The following RTL4 variants were observed in gnomAD, a reference collection of about 807,000 sequenced individuals.
RTL4 encodes the protein retrotransposon Gag-like protein 4.
In RTL4, 4 loss-of-function variants were observed where a neutral mutation model predicts 5.3. That is an observed-to-expected ratio of 0.75 (90% CI 0.37 to 1.72). The LOEUF is 1.72. Among genes scored for constraint, RTL4 ranks in the 40% most tolerant of loss-of-function variants. RTL4 has a pLI of 0.04. For synonymous variants in RTL4, 98 were observed against 87.3 expected, an observed-to-expected ratio of 1.12 and a Z score of -0.68; for missense variants, 260 against 227.1, an observed-to-expected ratio of 1.14 and a Z score of -0.93.
At chrX:112,381,356 G>A in the RTL4 span, 1 of 1,208,667 alleles carries the variant, frequency 8.3e-7, no homozygotes, top group African/African-American at 1.7e-5. Context: ...GCTAACAAAG[G>A]TAGAGACAAG....
At chrX:112,280,462 A>C in the RTL4 span, among the ~76,000 whole-genome samples, 1 of 111,090 alleles carries the variant, frequency 9.0e-6, no homozygotes, top group African/African-American at 3.3e-5. Flanking sequence ...ACTGAATCTA[A>C]GGTACAAGTT....
chrX:112,325,335 A>T, the RTL4 span, among the ~76,000 whole-genome samples: 3 of 111,955 alleles, frequency 2.7e-5, no homozygotes, highest in Admixed American at 9.5e-5. Context: ...AAGAGCCCAC[A>T]TTGCCAAGTC....
chrX:112,419,034 A>ATATATATATATATATATATCT, the RTL4 span, among the ~76,000 whole-genome samples: 8 of 1,605 alleles, frequency 5.0e-3, no homozygotes, highest in African/African-American at 5.3e-3. Context: ...CACATAAGAT[A>ATATATATATATATATATATCT]TATATATATA....
chrX:112,370,436 A>G, the RTL4 span, among the ~76,000 whole-genome samples: 1 of 112,075 alleles, frequency 8.9e-6, no homozygotes, highest in African/African-American at 3.2e-5. Context: ...ATACATATTT[A>G]TCATTTCCTC....
the RTL4 span, among the ~76,000 whole-genome samples, chrX:112,219,562 A>C: frequency 8.9e-6 from 1 of 112,076 alleles, no homozygotes; most frequent in Admixed American, 9.5e-5. Context: ...GGGTAAAAAC[A>C]GTTGTGATTT....
At chrX:112,331,043 C>A in the RTL4 span, among the ~76,000 whole-genome samples, 1 of 104,786 alleles carries the variant, frequency 9.5e-6, no homozygotes. Flanking sequence ...AGACCTAAAA[C>A]CATAAAAACC....
chrX:112,279,929 G>C, the RTL4 span, among the ~76,000 whole-genome samples: 3 of 111,535 alleles, frequency 2.7e-5, no homozygotes, highest in Non-Finnish European at 3.8e-5. Flanking sequence ...ATAAGAACTT[G>C]TGCAACAAAG....
chrX:112,402,784 C>T, the RTL4 span, among the ~76,000 whole-genome samples: 1 of 110,954 alleles, frequency 9.0e-6, no homozygotes, highest in African/African-American at 3.3e-5. Context: ...CGAAAGATGA[C>T]ACAACTATGT....
At chrX:112,236,415 ATATC>A in the RTL4 span, among the ~76,000 whole-genome samples, 1 of 59,067 alleles carries the variant, frequency 1.7e-5, no homozygotes, top group Non-Finnish European at 3.2e-5. Flanking sequence ...ATATAGATCT[ATATC>A]TATATATAGA....
chrX:112,392,273 T>G, the RTL4 span, among the ~76,000 whole-genome samples: 1 of 111,409 alleles, frequency 9.0e-6, no homozygotes, highest in Non-Finnish European at 1.9e-5. Flanking sequence ...CTGGAGAACC[T>G]GCACGGTGAG....
chrX:112,402,939 T>G, the RTL4 span, among the ~76,000 whole-genome samples: 12 of 111,764 alleles, frequency 1.1e-4, no homozygotes, highest in African/African-American at 3.9e-4. Flanking sequence ...AGCAGGGAAC[T>G]GTGAAAGGAT....
the RTL4 span, among the ~76,000 whole-genome samples, chrX:112,353,439 T>G: frequency 2.3e-3 from 260 of 110,845 alleles, 1 homozygote; most frequent in African/African-American, 7.7e-3. Context: ...AACCCAAATA[T>G]CCAACAACGA....
At chrX:112,350,359 C>T in the RTL4 span, among the ~76,000 whole-genome samples, 3 of 108,548 alleles carry the variant, frequency 2.8e-5, no homozygotes, top group Non-Finnish European at 5.8e-5. Flanking sequence ...GCTTTGGTAT[C>T]AGGATGATGC....
the RTL4 span, among the ~76,000 whole-genome samples, chrX:112,241,640 T>C: frequency 8.9e-6 from 1 of 112,344 alleles, no homozygotes. Context: ...TCCCATTCTG[T>C]AGGTTGCCTG....
chrX:112,275,645 A>G, the RTL4 span, among the ~76,000 whole-genome samples: 1 of 111,880 alleles, frequency 8.9e-6, no homozygotes, highest in East Asian at 2.8e-4. Flanking sequence ...GTTAAAAAGA[A>G]AAAAACCTGG....
the RTL4 span, among the ~76,000 whole-genome samples, chrX:112,424,378 T>C: frequency 9.0e-6 from 1 of 111,649 alleles, no homozygotes. Flanking sequence ...CTTTGAGTTG[T>C]AGAAAAGTTC....
At chrX:112,444,300 A>G in the RTL4 span, among the ~76,000 whole-genome samples, 1,296 of 111,201 alleles carry the variant, frequency 0.012, 7 homozygotes, top group Non-Finnish European at 0.019. Context: ...CCATTGGCCA[A>G]CGTTTCTGTT....
chrX:112,309,664 A>G, the RTL4 span, among the ~76,000 whole-genome samples: 1 of 107,865 alleles, frequency 9.3e-6, no homozygotes, highest in Non-Finnish European at 1.9e-5. Context: ...CATTTTTTGT[A>G]GAGACAGTGT....
the RTL4 span, among the ~76,000 whole-genome samples, chrX:112,284,126 C>T: frequency 9.2e-6 from 1 of 108,255 alleles, no homozygotes; most frequent in African/African-American, 3.3e-5. Context: ...TTTAGAGCAT[C>T]CCTTTCAACT....
Sources: gnomAD v4.1 joint callset for allele counts (sites outside exome capture counted in the v4.1 genomes callset) on GRCh38, gnomAD v4.1.1 for gene constraint, MANE v1.5 for transcripts, NCBI Gene and HGNC (gene_info 2026-07-23, HGNC 2026-07-21) for gene names.